C11orf65: variants seen among roughly 807,000 people sequenced by gnomAD.
C11orf65 encodes protein MFI.
In C11orf65, 38 loss-of-function variants were observed where a neutral mutation model predicts 35.3. The ratio of observed to expected loss-of-function variants is 1.08; its 90% CI spans 0.83 to 1.41. The LOEUF (loss-of-function observed/expected upper bound fraction) is 1.41, where lower values mean the gene tolerates loss of function less well. Among genes scored for constraint, C11orf65 ranks in the 40% most tolerant of loss-of-function variants. The pLI, the probability that C11orf65 is intolerant of heterozygous loss-of-function variation, is 0.00. For missense variants in C11orf65, 370 were observed against 367.1 expected, an observed-to-expected ratio of 1.01 and a Z score of -0.06; for synonymous variants, 105 against 114.4, an observed-to-expected ratio of 0.92 and a Z score of 0.53.
At chr11:108,362,811 C>T (rs190131) in intron 2 of C11orf65, among the ~76,000 whole-genome samples, 52,820 of 98,474 alleles carry the variant, frequency 0.54, 13,863 homozygotes, top group Middle Eastern at 0.75. Context: ...GGGTGGGGGG[C>T]GGGGGGAGGG....
intron 2 of C11orf65, among the ~76,000 whole-genome samples, chr11:108,358,038 C>A (rs227047): frequency 0.58 from 75,994 of 130,770 alleles, 24,090 homozygotes; most frequent in Middle Eastern, 0.75. Flanking sequence ...AATAAGTTGA[C>A]AACTTTGAAA....
At chr11:108,341,091 C>T (rs1384255330) in intron 2 of C11orf65, among the ~76,000 whole-genome samples, 1 of 151,990 alleles carries the variant, frequency 6.6e-6, no homozygotes, top group Admixed American at 6.6e-5. Flanking sequence ...CTGCTGTTCT[C>T]CCTCCAGCCT....
intron 2 of C11orf65, chr11:108,346,401 T>C (rs1320652776): frequency 6.5e-6 from 1 of 153,176 alleles, no homozygotes; most frequent in African/African-American, 2.4e-5. Context: ...TTTTGACTTT[T>C]TTTCCCTAAG....
chr11:108,414,330 A>AAC (rs2092701408), intron 3 of C11orf65, among the ~76,000 whole-genome samples: 1 of 152,020 alleles, frequency 6.6e-6, no homozygotes, highest in Admixed American at 6.6e-5. Flanking sequence ...TAAAATTTGT[A>AAC]AAGAATGAAA....
At chr11:108,462,234 A>G (rs1319877022) in intron 1 of C11orf65, among the ~76,000 whole-genome samples, 1 of 151,934 alleles carries the variant, frequency 6.6e-6, no homozygotes, top group Non-Finnish European at 1.5e-5. Flanking sequence ...TTGTAGAGAC[A>G]GGTTCTTGCT....
intron 8 of C11orf65, among the ~76,000 whole-genome samples, chr11:108,385,155 C>A (rs930832651): frequency 6.6e-6 from 1 of 152,108 alleles, no homozygotes; most frequent in South Asian, 2.1e-4. Context: ...CTCACTGCAA[C>A]CTCCGCCTCC....
At chr11:108,387,014 G>A (rs2092020455) in intron 7 of C11orf65, among the ~76,000 whole-genome samples, 2 of 151,742 alleles carry the variant, frequency 1.3e-5, no homozygotes, top group Admixed American at 6.6e-5. Context: ...CCTGGGAGGT[G>A]GAGCTTGCAG....
intron 2 of C11orf65, among the ~76,000 whole-genome samples, chr11:108,348,597 G>A (rs1003731116): frequency 2.0e-5 from 3 of 151,784 alleles, no homozygotes; most frequent in African/African-American, 7.2e-5. Flanking sequence ...AAAGAAGTGT[G>A]AATGTAATGA....
intron 3 of C11orf65, among the ~76,000 whole-genome samples, chr11:108,418,298 A>C (rs2092769215): frequency 2.0e-5 from 3 of 152,148 alleles, no homozygotes; most frequent in Admixed American, 1.3e-4. Flanking sequence ...TAACTAAAAA[A>C]TATATATTCT....
At chr11:108,377,247 CTG>C in intron 2 of C11orf65, among the ~76,000 whole-genome samples, 1 of 152,070 alleles carries the variant, frequency 6.6e-6, no homozygotes, top group East Asian at 1.9e-4. Context: ...TACTGGCAAA[CTG>C]AATCCAGCAG....
chr11:108,407,216 C>T (rs1691232638), intron 3 of C11orf65, 67 bp from the exon 4 acceptor site: 4 of 1,135,534 alleles, frequency 3.5e-6, no homozygotes, highest in South Asian at 1.7e-5. Context: ...TTCACTATTT[C>T]TCACTCTATT....
intron 7 of C11orf65, among the ~76,000 whole-genome samples, chr11:108,387,931 A>G (rs1040805248): frequency 2.0e-5 from 3 of 152,340 alleles, no homozygotes; most frequent in Middle Eastern, 6.8e-3. Flanking sequence ...ATGGCCTTCA[A>G]TAGGATACTG....
chr11:108,327,715 G>A (rs1223489931), downstream of C11orf65: 2 of 1,613,890 alleles, frequency 1.2e-6, no homozygotes, highest in Non-Finnish European at 1.7e-6. Flanking sequence ...GCAGAAACGT[G>A]CTTAGAAAAT....
chr11:108,373,120 C>A (rs1160536791), intron 2 of C11orf65, among the ~76,000 whole-genome samples: 3 of 151,970 alleles, frequency 2.0e-5, no homozygotes, highest in South Asian at 2.1e-4. Flanking sequence ...AGACCAATAT[C>A]CTCCATGAAC....
At position 108,362,422 on chromosome 11, in the gene C11orf65, C is replaced by G. The variant is rs1330531283; in HGVS notation, c.227-27130G>C. 3.3e-5 allele frequency among the ~76,000 whole-genome samples: 5 copies of G among 151,730 alleles called. No homozygotes were observed. The South Asian group carries it at 1.0e-3, about 32-fold the overall frequency. ...CTCAGGGATCTAGAATTAGAAATAC[C>G]ATTTGACCCAGCCATCCCATTACTG... On this transcript the variant is annotated intron_variant, in intron 2 of 3. Transcript: ENST00000524755.
chr11:108,309,396 G>A (rs2083955556), intron 6 of C11orf65, among the ~76,000 whole-genome samples: 1 of 152,150 alleles, frequency 6.6e-6, no homozygotes, highest in East Asian at 1.9e-4. Context: ...AGCTTTGCAG[G>A]CATTATTTAA....
rs1565659726 is a variant in C11orf65 at position 108,408,681 on chromosome 11, A to ATAAC, written c.175-1533_175-1532insGTTA. On this transcript the variant is annotated intron_variant, in intron 3 of 8. Transcript: ENST00000393084. ...ACAGAGACTCTGTCTCAATAAATAA[A>ATAAC]ATAAAATAAAATAAAATAAAATAAA... 6.7e-4 allele frequency among the ~76,000 whole-genome samples: 43 copies of ATAAC among 64,650 alleles called. 1 individual carries two copies. Among genetic ancestry groups the ATAAC allele is most frequent in the African/African-American group, 2.7e-3 (42 of 15,502 alleles). 42.4% of individuals were successfully genotyped at this position (64,650 alleles called of 152,430 possible).
chr11:108,427,430 TA>T (rs1461755747), intron 3 of C11orf65, among the ~76,000 whole-genome samples: 5 of 72,312 alleles, frequency 6.9e-5, no homozygotes, highest in Admixed American at 3.6e-4. Context: ...AAACATATTT[TA>T]AAAAGCTCGG....
At chr11:108,374,873 A>G (rs1369060825) in intron 2 of C11orf65, among the ~76,000 whole-genome samples, 1 of 152,182 alleles carries the variant, frequency 6.6e-6, no homozygotes, top group Non-Finnish European at 1.5e-5. Flanking sequence ...GATCAACTGG[A>G]AGAAAGGGTA....
Sources: gnomAD v4.1 joint callset for allele counts (sites outside exome capture counted in the v4.1 genomes callset) on GRCh38, gnomAD v4.1.1 for gene constraint, MANE v1.5 for transcripts, NCBI Gene and HGNC (gene_info 2026-07-23, HGNC 2026-07-21) for gene names.